LTBP2: variants seen among roughly 807,000 people sequenced by gnomAD.
The protein encoded by LTBP2 is latent-transforming growth factor beta-binding protein 2.
LTBP2 carries 103 observed loss-of-function variants against 210.6 expected under a neutral mutation model. The observed-to-expected ratio is 0.49, with a 90% CI of 0.42 to 0.58. The LOEUF is 0.58. Among genes scored for constraint, LTBP2 ranks in the 20% least tolerant of loss-of-function variants. LTBP2 has a pLI of 0.00. For synonymous variants in LTBP2, 1,007 were observed against 1,015.0 expected (o/e 0.99, Z 0.15); for missense variants, 2,313 against 2,494.5 (o/e 0.93, Z 1.55).
At chr14:74,607,944 C>T (rs1285733619) in intron 1 of LTBP2, among the ~76,000 whole-genome samples, 13 of 147,982 alleles carry the variant, frequency 8.8e-5, no homozygotes, top group East Asian at 2.0e-4. Flanking sequence ...GACGGAGTCT[C>T]GCTCTGTCGC....
chr14:74,529,554 C>T (rs866937673), intron 10 of LTBP2, among the ~76,000 whole-genome samples: 13 of 152,164 alleles, frequency 8.5e-5, no homozygotes, highest in African/African-American at 3.1e-4. Context: ...GCTCGGAGGA[C>T]AGGGACCCTA....
chr14:74,541,534 C>T (rs916987688), intron 8 of LTBP2, among the ~76,000 whole-genome samples: 2 of 152,118 alleles, frequency 1.3e-5, no homozygotes, highest in East Asian at 1.9e-4. Flanking sequence ...AAGGTCACCC[C>T]GCTGGTGGAC....
At chr14:74,545,733 T>C (rs1232224386) in intron 8 of LTBP2, among the ~76,000 whole-genome samples, 1 of 152,200 alleles carries the variant, frequency 6.6e-6, no homozygotes. Context: ...GAACCGTGTG[T>C]TCTCCAGACT....
intron 7 of LTBP2, among the ~76,000 whole-genome samples, chr14:74,550,527 C>T (rs967053939): frequency 6.6e-6 from 1 of 152,222 alleles, no homozygotes; most frequent in African/African-American, 2.4e-5. Context: ...TCTGGTCTAA[C>T]CCCTATTCTT....
chr14:74,529,509 A>G (rs893852056), intron 10 of LTBP2, among the ~76,000 whole-genome samples: 6 of 152,156 alleles, frequency 3.9e-5, no homozygotes, highest in Admixed American at 2.0e-4. Context: ...CCCTGGGAAG[A>G]TGAGGCAAGG....
At chr14:74,592,850 C>T (rs983385936) in intron 2 of LTBP2, among the ~76,000 whole-genome samples, 1 of 152,082 alleles carries the variant, frequency 6.6e-6, no homozygotes, top group Non-Finnish European at 1.5e-5. Context: ...GGGACAGTAC[C>T]CTCGGACAAC....
chr14:74,522,669 T>G, intron 16 of LTBP2, 121 bp downstream of exon 16: 2 of 1,241,802 alleles, frequency 1.6e-6, no homozygotes, highest in Non-Finnish European at 2.2e-6. Context: ...CCTCCTAAAC[T>G]CATCAACCAC....
rs1401550918 is a variant in LTBP2, at chr14:74,552,230, T to C, written c.1356A>G (p.Pro452=). The stretch of plus-strand genomic sequence containing the variant: ...GCAGTGTGAAAGTGGACTGCTTCAG[T>C]GGGGCTTCCAGCAAGGCCCTGGGGC... The part of the protein sequence containing the change: ...GSRPRALLEA[P]LKQSTFTLPL... Residue 452 remains proline (P), a synonymous_variant, in exon 6 of 36, where the codon CCA becomes CCG. Coordinates refer to ENST00000261978, the MANE Select transcript of LTBP2 (RefSeq NM_000428.3). 1.9e-6 allele frequency: 3 copies of C among 1,612,340 alleles called. No individual in the cohort carries two copies. Among genetic ancestry groups the C allele is most frequent in the East Asian group, 2.2e-5 (1 of 44,850 alleles).
At chr14:74,526,260 C>A in intron 13 of LTBP2, 146 bp from the exon 14 acceptor site, 1 of 806,766 alleles carries the variant, frequency 1.2e-6, no homozygotes, top group Non-Finnish European at 2.1e-6. Context: ...TGAGTTCTTA[C>A]TCTATGCTGG....
chr14:74,538,351 CT>C (rs1392602492), intron 8 of LTBP2, among the ~76,000 whole-genome samples: 3 of 152,102 alleles, frequency 2.0e-5, no homozygotes, highest in Non-Finnish European at 2.9e-5. Context: ...ACGATTTTTA[CT>C]TTGTAATAAG....
At chr14:74,537,160 G>GAAA (rs111689700) in intron 8 of LTBP2, among the ~76,000 whole-genome samples, 2 of 123,570 alleles carry the variant, frequency 1.6e-5, no homozygotes, top group African/African-American at 5.8e-5. Context: ...ACTTTACAAA[G>GAAA]AAAAAAAAAA....
intron 17 of LTBP2, among the ~76,000 whole-genome samples, chr14:74,517,827 C>G (rs78373734): frequency 6.6e-6 from 1 of 152,234 alleles, no homozygotes; most frequent in Non-Finnish European, 1.5e-5. Flanking sequence ...ACCCCACTCA[C>G]GCCCCTCCAC....
At chr14:74,591,547 A>T (rs1277550400) in intron 2 of LTBP2, among the ~76,000 whole-genome samples, 2 of 152,194 alleles carry the variant, frequency 1.3e-5, no homozygotes, top group East Asian at 3.8e-4. Context: ...GGAGGTTTAG[A>T]ACCAGCTCTC....
chr14:74,612,046 C>A lies in LTBP2; in HGVS notation c.-102G>T. 7.6e-7 allele frequency: 1 copy of A among 1,311,386 alleles called. No individual in the cohort carries two copies. The highest frequency in any genetic ancestry group is 9.9e-7 in the Non-Finnish European group (1 of 1,006,186). The allele number at this position is 1,311,386 out of a possible 1,614,324, so 81.2% of individuals were successfully genotyped here. On this transcript the variant is annotated 5_prime_UTR_variant, in exon 1 of 36. Coordinates refer to ENST00000261978, the MANE Select transcript of LTBP2 (RefSeq NM_000428.3). Reference sequence around the variant, plus strand: ...CTGTTCTCCCGGCCCCGCCCGGCGGCCAGCTTCTCTGAGTCTAGGGGGCCC... The same window carrying A: ...CTGTTCTCCCGGCCCCGCCCGGCGGACAGCTTCTCTGAGTCTAGGGGGCCC...
At chr14:74,599,213 G>A (rs2139803173) in intron 2 of LTBP2, among the ~76,000 whole-genome samples, 1 of 152,342 alleles carries the variant, frequency 6.6e-6, no homozygotes, top group East Asian at 1.9e-4. Context: ...CGTCTCCAGG[G>A]ATCTGGTGCC....
At chr14:74,609,596 T>C (rs1256930990) in intron 1 of LTBP2, among the ~76,000 whole-genome samples, 1 of 152,168 alleles carries the variant, frequency 6.6e-6, no homozygotes, top group Non-Finnish European at 1.5e-5. Flanking sequence ...CCTTGGGCAG[T>C]GCTACATCTG....
intron 15 of LTBP2, among the ~76,000 whole-genome samples, chr14:74,524,735 C>T (rs557662126): frequency 6.6e-5 from 10 of 152,326 alleles, no homozygotes; most frequent in Middle Eastern, 3.4e-3. Context: ...GGCAGCTGCT[C>T]GCTGCCAGGC....
In LTBP2 at chr14:74,500,962, T is replaced by A; in HGVS notation, c.5388A>T (p.Thr1796=). Residue 1796 remains threonine, a synonymous_variant, in exon 36 of 36, where the codon ACA becomes ACT. Coordinates refer to ENST00000261978, the MANE Select transcript of LTBP2 (RefSeq NM_000428.3). ...VLCVHGYCEN[T]EGSYRCHCSP... is the part of the protein sequence containing the mutation. ...AGCAGTGGCAGCGGTAGGAGCCCTC[T>A]GTGTTCTCGCAGTAACCATGGACAC... is the stretch of plus-strand genomic sequence containing the variant. The A allele has an allele frequency of 6.2e-7, 1 of 1,614,168 alleles. No individual in the cohort carries two copies. The highest frequency in any genetic ancestry group is 1.3e-5 in the African/African-American group (1 of 75,054).
intron 3 of LTBP2, among the ~76,000 whole-genome samples, chr14:74,558,236 A>C (rs773841317): frequency 2.0e-5 from 3 of 152,140 alleles, no homozygotes; most frequent in Non-Finnish European, 4.4e-5. Context: ...CCCATCAAAA[A>C]ACACAAAAAT....
Sources: allele counts gnomAD v4.1 joint callset (sites outside exome capture counted in the v4.1 genomes callset), GRCh38; gene constraint gnomAD v4.1.1; transcripts MANE v1.5; gene names NCBI Gene and HGNC (gene_info 2026-07-23, HGNC 2026-07-21).